The following DRAM2 variants were observed in gnomAD, a reference collection of about 807,000 sequenced individuals.
DRAM2 encodes DNA damage-regulated autophagy modulator protein 2.
A neutral mutation model predicts 33.5 loss-of-function variants in DRAM2; 26 were observed. The observed-to-expected ratio is 0.78, with a 90% CI of 0.57 to 1.08. DRAM2 has a LOEUF of 1.08. Ranked by LOEUF, DRAM2 falls within the 50% of genes least tolerant of loss-of-function variation. The pLI, the probability that DRAM2 is intolerant of heterozygous loss-of-function variation, is 0.00. For synonymous variants in DRAM2, 98 were observed against 109.5 expected (o/e 0.89, Z 0.66); for missense variants, 311 against 318.1 (o/e 0.98, Z 0.17).
rs1408942940 is a variant in DRAM2, at chr1:111,131,496, G to C, written c.59C>G (p.Ser20Cys). Residue 20 changes from serine (S) to cysteine (C), a missense_variant, in exon 4 of 10, where the codon TCT (serine) becomes TGT (cysteine). Physicochemically the swap from Ser to Cys is moderately radical, Grantham distance 112 (BLOSUM62 -1). Transcript: ENST00000484310. The part of the protein sequence containing the change: ...FLPSALVIWT[S>C]AAFIFSYITA... ...AATGTATGAAAATATGAAAGCAGCA[G>C]ATGTCCAAATTACAAGGGCTGAAGG... 2 of 1,614,044 alleles carry C rather than the reference G, an allele frequency of 1.2e-6. No individual in the cohort carries two copies. The highest frequency in any genetic ancestry group is 1.7e-6 in the Non-Finnish European group (2 of 1,180,018).
At position 111,129,078 on chromosome 1, in the gene DRAM2, C is replaced by T. The variant is rs117412882; in HGVS notation, c.131+2346G>A. On this transcript the variant is annotated intron_variant, in intron 4 of 9. Transcript: ENST00000484310. ...CAATTTGTTTATATCTTTTGTGCCACGCCATACCACTGTGGAAACAACATG... is the reference window on the plus strand; with the variant it reads ...CAATTTGTTTATATCTTTTGTGCCATGCCATACCACTGTGGAAACAACATG... 8.3e-4 allele frequency among the ~76,000 whole-genome samples: 126 copies of T among 152,276 alleles called. No homozygotes were observed. In the East Asian group the frequency reaches 0.019, roughly 24 times the overall value.
chr1:111,129,137 T>A (rs1178874601), intron 4 of DRAM2, among the ~76,000 whole-genome samples: 1 of 152,234 alleles, frequency 6.6e-6, no homozygotes, highest in African/African-American at 2.4e-5. Flanking sequence ...TCTTGACATT[T>A]TTAAAAGATA....
chr1:111,136,155 G>A (rs746783197), intron 3 of DRAM2, among the ~76,000 whole-genome samples: 2 of 151,944 alleles, frequency 1.3e-5, no homozygotes, highest in Non-Finnish European at 2.9e-5. Flanking sequence ...CATTCCACCT[G>A]CATTACCTAA....
intron 4 of DRAM2, among the ~76,000 whole-genome samples, chr1:111,129,140 A>T (rs1033524152): frequency 2.6e-5 from 4 of 152,204 alleles, no homozygotes; most frequent in Non-Finnish European, 5.9e-5. Context: ...TGACATTTTT[A>T]AAAGATAAAT....
intron 4 of DRAM2, among the ~76,000 whole-genome samples, chr1:111,128,517 G>T (rs185374184): frequency 6.6e-6 from 1 of 152,252 alleles, no homozygotes; most frequent in African/African-American, 2.4e-5. Context: ...CGGTATCTGT[G>T]GGGGACTGGT....
intron 4 of DRAM2, among the ~76,000 whole-genome samples, chr1:111,130,621 AC>A (rs1350792800): frequency 2.0e-5 from 3 of 151,340 alleles, no homozygotes; most frequent in African/African-American, 7.3e-5. Flanking sequence ...AATCACTTGA[AC>A]CTGGGAGGCG....
intron 6 of DRAM2, among the ~76,000 whole-genome samples, chr1:111,124,019 C>G (rs1413858420): frequency 6.6e-6 from 1 of 152,130 alleles, no homozygotes; most frequent in Non-Finnish European, 1.5e-5. Context: ...GCACACAAAA[C>G]AAACCAAGGC....
chr1:111,122,017 G>GAT (rs1005752192), intron 6 of DRAM2, among the ~76,000 whole-genome samples: 2 of 152,068 alleles, frequency 1.3e-5, no homozygotes, highest in African/African-American at 4.8e-5. Flanking sequence ...AAAGGCTAGT[G>GAT]ATATATATAA....
intron 4 of DRAM2, chr1:111,128,159 C>CA (rs1651405328): frequency 1.7e-5 from 2 of 114,766 alleles, no homozygotes; most frequent in South Asian, 5.9e-4. Flanking sequence ...TTTTTTTTGA[C>CA]AGAGTCTCGC....
intron 4 of DRAM2, among the ~76,000 whole-genome samples, chr1:111,127,539 A>T (rs1651254334): frequency 6.6e-6 from 1 of 152,174 alleles, no homozygotes; most frequent in Non-Finnish European, 1.5e-5. Context: ...TAAAATAATA[A>T]ATTTATCTTT....
intron 9 of DRAM2, 173 bp downstream of exon 9, chr1:111,118,632 A>T: frequency 1.8e-6 from 1 of 545,414 alleles, no homozygotes; most frequent in Non-Finnish European, 3.2e-6. Context: ...CTACTTCTTT[A>T]AACACAGAAA....
In DRAM2 at chr1:111,131,455, G is replaced by C; in HGVS notation, c.100C>G (p.His34Asp). The C allele has an allele frequency of 6.2e-7, 1 of 1,614,052 alleles. No homozygotes were observed. The highest frequency in any genetic ancestry group is 8.5e-7 in the Non-Finnish European group (1 of 1,179,930). Residue 34 changes from histidine (H) to aspartate (D), a missense_variant, in exon 4 of 10, where the codon CAC (histidine) becomes GAC (aspartate). Physicochemically the swap from His to Asp is moderately conservative, Grantham distance 81 (BLOSUM62 -1). Transcript: ENST00000484310. ...IFSYITAVTL[H>D]HIDPALPYIS... ...TAAGGTAAAGCCGGGTCTATATGGT[G>C]GAGTGTTACTGCAGTAATGTATGAA...
chr1:111,138,971 G>A (rs1341289332), intron 2 of DRAM2: 3 of 152,148 alleles, frequency 2.0e-5, no homozygotes, highest in African/African-American at 7.2e-5. Context: ...GGAAATTCTG[G>A]AAGTTCCAAG....
rs1649863781 is a variant in DRAM2, at chr1:111,120,617, TG to T, written c.415del (p.Gln139ArgfsTer30). Reference protein sequence around the residue: ...FGMGSLYMFVQTILSYQMQPK... With the variant: ...FGMGSLYMFVXTILSYQMQPK... ...CTGCATTTGGTAGGAAAGGATGGTC[TG>T]AACAAACATATATAATGAGCCCATA... On this transcript the variant is annotated frameshift_variant, in exon 7 of 10. Coordinates refer to ENST00000484310, the MANE Select transcript of DRAM2 (RefSeq NM_001349884.2). LOFTEE classifies it high-confidence loss of function. 6.2e-7 allele frequency: 1 copy of T among 1,611,788 alleles called. No individual in the cohort carries two copies. The highest frequency in any genetic ancestry group is 2.2e-5 in the East Asian group (1 of 44,770).
chr1:111,137,250 T>TG (rs1281301311), intron 3 of DRAM2, among the ~76,000 whole-genome samples: 1 of 56,818 alleles, frequency 1.8e-5, no homozygotes. Context: ...AGATTCCATC[T>TG]CAAAAAAAAA....
rs1654261569 is a variant in DRAM2, at chr1:111,140,041, A to T, written c.-248T>A. 6.6e-6 allele frequency: 1 copy of T among 152,498 alleles called. No individual in the cohort carries two copies. The highest frequency in any genetic ancestry group is 2.4e-5 in the African/African-American group (1 of 41,432). 9.4% of individuals were successfully genotyped at this position (152,498 alleles called of 1,614,324 possible). The stretch of plus-strand genomic sequence containing the variant: ...CTTCTCCCCTACTTCGACTTACCTT[A>T]CCAGACCGACTAGCGCTGGCCGCTG... On this transcript the variant is annotated 5_prime_UTR_variant, in exon 1 of 10. Coordinates refer to ENST00000484310, the MANE Select transcript of DRAM2 (RefSeq NM_001349884.2).
chr1:111,131,287 C>A, intron 4 of DRAM2, 137 bp downstream of exon 4: 1 of 969,040 alleles, frequency 1.0e-6, no homozygotes, highest in Admixed American at 2.9e-5. Context: ...ATTCAAGTTC[C>A]TTTTTATATT....
intron 6 of DRAM2, among the ~76,000 whole-genome samples, chr1:111,123,311 C>A (rs559291683): frequency 2.6e-5 from 4 of 152,146 alleles, no homozygotes; most frequent in African/African-American, 9.6e-5. Context: ...CCCGCTGCAC[C>A]CCCATATCTA....
chr1:111,136,441 T>C (rs550351689), intron 3 of DRAM2, among the ~76,000 whole-genome samples: 2 of 152,082 alleles, frequency 1.3e-5, no homozygotes, highest in South Asian at 4.1e-4. Flanking sequence ...GGCGTGCGCC[T>C]GTAATTCCAG....
Sources: allele counts gnomAD v4.1 joint callset (sites outside exome capture counted in the v4.1 genomes callset), GRCh38; gene constraint gnomAD v4.1.1; transcripts MANE v1.5; gene names NCBI Gene and HGNC (gene_info 2026-07-23, HGNC 2026-07-21).